ITSN1: variants seen among roughly 807,000 people sequenced by gnomAD.
ITSN1 encodes intersectin-1.
A neutral mutation model predicts 239.8 loss-of-function variants in ITSN1; 58 were observed. The ratio of observed to expected loss-of-function variants is 0.24; its 90% confidence interval spans 0.20 to 0.30. ITSN1 has a LOEUF of 0.30. Among genes scored for constraint, ITSN1 ranks in the 10% least tolerant of loss-of-function variants. ITSN1 has a pLI of 1.00. For synonymous variants in ITSN1, 780 were observed against 770.8 expected (o/e 1.01, Z -0.20); for missense variants, 1,558 against 2,103.3 (o/e 0.74, Z 5.07).
chr21:33,885,584 A>T, intron 38 of ITSN1, 62 bp downstream of exon 38: 1 of 1,256,192 alleles, frequency 8.0e-7, no homozygotes, highest in South Asian at 1.2e-5. Flanking sequence ...CGGGTTCCCC[A>T]CACCCCCACC....
intron 29 of ITSN1, among the ~76,000 whole-genome samples, chr21:33,844,889 G>C (rs1033055522): frequency 6.6e-6 from 1 of 152,014 alleles, no homozygotes; most frequent in Non-Finnish European, 1.5e-5. Context: ...TCTCTAGGGG[G>C]CAGAAGCACA....
chr21:33,813,008 G>T (rs2073016876), intron 21 of ITSN1, among the ~76,000 whole-genome samples: 1 of 151,512 alleles, frequency 6.6e-6, no homozygotes, highest in Non-Finnish European at 1.5e-5. Context: ...TTTAACTATT[G>T]TTATTACAAA....
chr21:33,690,280 A>G (rs565146970), intron 1 of ITSN1, among the ~76,000 whole-genome samples: 2 of 151,140 alleles, frequency 1.3e-5, no homozygotes, highest in South Asian at 4.2e-4. Flanking sequence ...TCTGTCTCAA[A>G]AAGAATTAAA....
chr21:33,725,579 G>A (rs143068264), intron 4 of ITSN1, among the ~76,000 whole-genome samples: 179 of 152,200 alleles, frequency 1.2e-3, no homozygotes, highest in African/African-American at 4.2e-3. Context: ...GGGTGACAGA[G>A]CAAGACCCTG....
At chr21:33,789,752 TAAATC>T (rs1413594508) in intron 16 of ITSN1, among the ~76,000 whole-genome samples, 1 of 152,230 alleles carries the variant, frequency 6.6e-6, no homozygotes, top group African/African-American at 2.4e-5. Context: ...TCACAGTTAT[TAAATC>T]AAGTGATTCT....
rs1042493705 is a variant in ITSN1, at chr21:33,882,627, C to T, written c.4554+172C>T. Among the ~76,000 whole-genome samples the T allele has an allele frequency of 6.6e-6, 1 of 152,016 alleles. No homozygotes were observed. The highest frequency in any genetic ancestry group is 1.5e-5 in the Non-Finnish European group (1 of 68,018). ...GAGTGGAGGACGATCCATATCCCGCCGCAGTGTCAGTGACACTCAGTGCTA... is the reference window on the plus strand; with the variant it reads ...GAGTGGAGGACGATCCATATCCCGCTGCAGTGTCAGTGACACTCAGTGCTA... On this transcript the variant is annotated intron_variant, in intron 35 of 39. Transcript: ENST00000381318. The surrounding 1 kb of genome is among the most constrained non-coding windows in gnomAD (Gnocchi z 4.5).
intron 1 of ITSN1, among the ~76,000 whole-genome samples, chr21:33,717,347 C>T (rs1191922539): frequency 1.3e-5 from 2 of 152,046 alleles, no homozygotes; most frequent in East Asian, 3.9e-4. Flanking sequence ...CAGGCTCATG[C>T]AACCACGCCT....
chr21:33,856,131 T>G (rs920918723), intron 29 of ITSN1, among the ~76,000 whole-genome samples: 9 of 152,232 alleles, frequency 5.9e-5, no homozygotes, highest in African/African-American at 1.9e-4. Flanking sequence ...GTATAATACT[T>G]GAGCATTAAA....
intron 1 of ITSN1, among the ~76,000 whole-genome samples, chr21:33,717,488 T>C (rs146465613): frequency 0.068 from 10,257 of 151,828 alleles, 1,163 homozygotes; most frequent in African/African-American, 0.23. Context: ...TGAGCCACTG[T>C]GCCCAGTCAA....
intron 1 of ITSN1, among the ~76,000 whole-genome samples, chr21:33,644,518 CTGAG>C (rs1372859587): frequency 1.2e-4 from 19 of 152,070 alleles, no homozygotes; most frequent in Admixed American, 2.6e-4. Flanking sequence ...ATTATTCTGC[CTGAG>C]TAAGAGAGGA....
At chr21:33,646,789 G>A (rs930473133) in intron 1 of ITSN1, among the ~76,000 whole-genome samples, 1 of 152,164 alleles carries the variant, frequency 6.6e-6, no homozygotes, top group African/African-American at 2.4e-5. Flanking sequence ...TTTAATTATT[G>A]TACTACTGGA....
chr21:33,845,222 G>C (rs778930462), intron 29 of ITSN1, among the ~76,000 whole-genome samples: 1 of 142,316 alleles, frequency 7.0e-6, no homozygotes, highest in African/African-American at 2.9e-5. Context: ...AGGATGGCCC[G>C]AGAAAGCTCT....
At chr21:33,776,101 C>T (rs9977173) in intron 14 of ITSN1, among the ~76,000 whole-genome samples, 148,739 of 152,324 alleles carry the variant, frequency 0.98, 72,634 homozygotes, top group East Asian at 1. Flanking sequence ...CATTCACCTA[C>T]TGGTTGATAT....
intron 11 of ITSN1, among the ~76,000 whole-genome samples, chr21:33,770,747 T>C (rs1208086331): frequency 2.0e-5 from 3 of 150,662 alleles, no homozygotes. Flanking sequence ...TCCCTTTCTG[T>C]GGGAGGGGGA....
Position 33,782,136 on chromosome 21 carries a change from A to C in ITSN1, c.1824+3A>C. 1 of 1,613,370 alleles carries C rather than the reference A, an allele frequency of 6.2e-7. No homozygotes were observed. The highest frequency in any genetic ancestry group is 8.5e-7 in the Non-Finnish European group (1 of 1,179,646). On this transcript the variant is annotated splice_donor_region_variant and intron_variant, in intron 16 of 39. Coordinates refer to ENST00000381318, the MANE Select transcript of ITSN1 (RefSeq NM_003024.3). Reference sequence around the variant, plus strand: ...ATATTTTCAATAATCAGCTGAAGGTAACTCTTCTATGTGTGCCTGCATGTG... The same window carrying C: ...ATATTTTCAATAATCAGCTGAAGGTCACTCTTCTATGTGTGCCTGCATGTG...
At chr21:33,764,321 A>T (rs1012735870) in intron 9 of ITSN1, among the ~76,000 whole-genome samples, 1 of 152,206 alleles carries the variant, frequency 6.6e-6, no homozygotes, top group Non-Finnish European at 1.5e-5. Flanking sequence ...TGTGGTGAAA[A>T]AACAAGAATT....
At chr21:33,660,739 A>G (rs2089486162) in intron 1 of ITSN1, among the ~76,000 whole-genome samples, 1 of 152,210 alleles carries the variant, frequency 6.6e-6, no homozygotes, top group Non-Finnish European at 1.5e-5. Flanking sequence ...AAAACTTGAC[A>G]CTGGGTAGTT....
chr21:33,656,795 C>T (rs758055715), intron 1 of ITSN1, among the ~76,000 whole-genome samples: 1 of 152,228 alleles, frequency 6.6e-6, no homozygotes, highest in Non-Finnish European at 1.5e-5. Flanking sequence ...ACTGCAACCT[C>T]CGCCTACCAG....
In ITSN1 at chr21:33,794,432, T is replaced by C; in HGVS notation, c.1916T>C (p.Ile639Thr). The C allele has an allele frequency of 6.2e-7, 1 of 1,613,446 alleles. No individual in the cohort carries two copies. Among genetic ancestry groups the C allele is most frequent in the Non-Finnish European group, 8.5e-7 (1 of 1,179,800 alleles). The change falls in exon 17 of 40, where the codon ATC becomes ACC. Residue 639 changes from isoleucine to threonine, a missense_variant. Ile to Thr is a moderately conservative substitution (Grantham distance 89, BLOSUM62 -1). Transcript: ENST00000381318. ...RLKQKEQERK[I>T]IELEKQKEEA... ...AAACAGAAAGAACAAGAACGAAAGA[T>C]CATAGAATTAGAAAAACAAAAAGAA...
Sources: allele counts gnomAD v4.1 joint callset (sites outside exome capture counted in the v4.1 genomes callset), GRCh38; gene constraint gnomAD v4.1.1; non-coding constraint Gnocchi (gnomAD v3.1); transcripts MANE v1.5; gene names NCBI Gene and HGNC (gene_info 2026-07-23, HGNC 2026-07-21).